Variants in COMT observed in about 807,000 individuals in gnomAD.
The protein encoded by COMT is catechol-O-methyltransferase, also known as catechol O-methyltransferase.
In COMT, 13 loss-of-function variants were observed where a neutral mutation model predicts 18.9. That is an observed-to-expected ratio of 0.69 (90% CI 0.45 to 1.09). The LOEUF (loss-of-function observed/expected upper bound fraction) is 1.09. Ranked by LOEUF, COMT falls within the 50% of genes least tolerant of loss-of-function variation. The pLI, the probability that COMT is intolerant of heterozygous loss-of-function variation, is 0.00. For synonymous variants in COMT, 150 were observed against 160.9 expected, an observed-to-expected ratio of 0.93 and a Z score of 0.51; for missense variants, 329 against 361.8, an observed-to-expected ratio of 0.91 and a Z score of 0.73.
At chr22:19,955,663 G>T (rs868612901) in intron 1 of COMT, among the ~76,000 whole-genome samples, 2 of 152,252 alleles carry the variant, frequency 1.3e-5, no homozygotes, top group African/African-American at 4.8e-5. Context: ...CACGCCTGTG[G>T]CTCTATGCTT....
chr22:19,966,129 C>G (rs1260976363), intron 5 of COMT, among the ~76,000 whole-genome samples: 1 of 152,178 alleles, frequency 6.6e-6, no homozygotes, highest in East Asian at 1.9e-4. Context: ...GTAATTATCT[C>G]AAAAGAAGCA....
intron 1 of COMT, 46 bp downstream of exon 1, chr22:19,941,943 G>T: frequency 8.2e-6 from 7 of 853,812 alleles, no homozygotes; most frequent in Non-Finnish European, 1.1e-5. Context: ...CGGATTCGGG[G>T]CGGGGGCCTT....
At chr22:19,954,534 C>T (rs1601516962) in intron 1 of COMT, among the ~76,000 whole-genome samples, 1 of 152,164 alleles carries the variant, frequency 6.6e-6, no homozygotes, top group South Asian at 2.1e-4. Context: ...CTCACTGCAA[C>T]CTCCACCTCC....
chr22:19,960,157 C>T (rs1281090141), intron 1 of COMT, among the ~76,000 whole-genome samples: 1 of 152,240 alleles, frequency 6.6e-6, no homozygotes. Context: ...CAAGTATTAA[C>T]GCAGATTTGG....
At chr22:19,953,850 G>C (rs1352180140) in intron 1 of COMT, among the ~76,000 whole-genome samples, 6 of 152,136 alleles carry the variant, frequency 3.9e-5, no homozygotes, top group Non-Finnish European at 8.8e-5. Context: ...ACATGAGCAG[G>C]TTGACCTGCA....
chr22:19,949,429 T>G (rs994043666), intron 1 of COMT, among the ~76,000 whole-genome samples: 1 of 152,186 alleles, frequency 6.6e-6, no homozygotes, highest in Non-Finnish European at 1.5e-5. Context: ...CAGGACAAAA[T>G]TACATCCCTT....
At chr22:19,965,866 GGGGGC>G (rs1456105918) in intron 5 of COMT, among the ~76,000 whole-genome samples, 31 of 152,176 alleles carry the variant, frequency 2.0e-4, no homozygotes, top group Non-Finnish European at 3.4e-4. Context: ...GTAGCTGGAG[GGGGGC>G]TCACCCCTGA....
intron 1 of COMT, among the ~76,000 whole-genome samples, chr22:19,954,226 A>AAAAAAT (rs1942011683): frequency 6.6e-6 from 1 of 151,368 alleles, no homozygotes. Context: ...GTCAAAAAAA[A>AAAAAAT]AAAAAGCCTT....
In COMT at chr22:19,967,133, TC is replaced by T. The variant is rs759530867; in HGVS notation, c.616-1400del. 26 of 1,296,444 alleles carry T rather than the reference TC, an allele frequency of 2.0e-5. No individual in the cohort carries two copies. The East Asian group carries it at 2.8e-4, about 14-fold the overall frequency. 80.3% of individuals were successfully genotyped at this position (1,296,444 alleles called of 1,614,324 possible). On this transcript the variant is annotated intron_variant, in intron 5 of 5. Coordinates refer to ENST00000361682, the MANE Select transcript of COMT (RefSeq NM_000754.4). ...GGTGACCCATGCTCCTTTCTGCCCT[TC>T]CCTCCTTCTTTCCTGTTTAACTCGT...
chr22:19,968,538 A>G lies in COMT; in HGVS notation c.618A>G (p.Glu206=). 6.2e-7 allele frequency: 1 copy of G among 1,608,916 alleles called. No homozygotes were observed. The highest frequency in any genetic ancestry group is 8.5e-7 in the Non-Finnish European group (1 of 1,176,950). ...CCCACCCCCCGGTCTGTTTGCAGGA[A>G]TGTGGCCTGCTGCGGAAGGGGACAG... The part of the protein sequence containing the change: ...RYLPDTLLLE[E]CGLLRKGTVL... The change falls in exon 6 of 6, where the codon GAA becomes GAG. Residue 206 remains glutamate (E), a splice_region_variant and synonymous_variant. Transcript: ENST00000361682.
Position 19,964,190 on chromosome 22 carries a change from C to A in COMT, c.506C>A (p.Ser169Tyr). Reference sequence around the variant, plus strand: ...CAGGTCACCCTTGTGGTTGGAGCGTCCCAGGACATCATCCCCCAGCTGAAG... The same window carrying A: ...CAGGTCACCCTTGTGGTTGGAGCGTACCAGGACATCATCCCCCAGCTGAAG... ...KDKVTLVVGASQDIIPQLKKK... is the reference protein window; with the variant it reads ...KDKVTLVVGAYQDIIPQLKKK... The change falls in exon 5 of 6, where the codon TCC becomes TAC. Residue 169 changes from serine (S) to tyrosine (Y), a missense_variant. Transcript: ENST00000361682. 1 of 1,614,146 alleles carries A rather than the reference C, an allele frequency of 6.2e-7. No individual in the cohort carries two copies. Among genetic ancestry groups the A allele is most frequent in the Non-Finnish European group, 8.5e-7 (1 of 1,180,038 alleles).
intron 1 of COMT, among the ~76,000 whole-genome samples, chr22:19,943,235 T>G (rs2146123811): frequency 6.6e-6 from 1 of 152,310 alleles, no homozygotes; most frequent in Non-Finnish European, 1.5e-5. Flanking sequence ...CTCTCAACAG[T>G]CCCCGTCCAT....
At position 19,953,155 on chromosome 22, in the gene COMT, C is replaced by A. The variant is rs547704901; in HGVS notation, c.-91-8044C>A. On this transcript the variant is annotated intron_variant, in intron 1 of 5. Coordinates refer to ENST00000361682, the MANE Select transcript of COMT (RefSeq NM_000754.4). ...TGCTGCCACGGTGGGCCTCAGGACT[C>A]ATGGCCTGGGCGCTGGGGGTGGGGC... 8.7e-4 allele frequency among the ~76,000 whole-genome samples: 133 copies of A among 152,162 alleles called. 1 individual carries two copies. Among genetic ancestry groups the A allele is most frequent in the African/African-American group, 3.1e-3 (130 of 41,516 alleles).
chr22:19,958,850 C>T (rs927902681), intron 1 of COMT, among the ~76,000 whole-genome samples: 1 of 151,982 alleles, frequency 6.6e-6, no homozygotes. Flanking sequence ...TGCGACCGCG[C>T]CACTGCACTC....
chr22:19,945,396 T>A (rs1238363455), intron 1 of COMT, among the ~76,000 whole-genome samples: 1 of 152,242 alleles, frequency 6.6e-6, no homozygotes, highest in Admixed American at 6.5e-5. Flanking sequence ...GCTGATTCTA[T>A]GTGCATCATC....
chr22:19,942,899 G>T (rs535400135), intron 1 of COMT, among the ~76,000 whole-genome samples: 7 of 152,318 alleles, frequency 4.6e-5, no homozygotes, highest in South Asian at 4.1e-4. Flanking sequence ...ATCTGGGTTT[G>T]CCACTGGGGC....
chr22:19,962,475 G>A, intron 2 of COMT, 52 bp from the exon 3 acceptor site: 1 of 1,551,544 alleles, frequency 6.4e-7, no homozygotes. Flanking sequence ...GGGCGTGTGG[G>A]TGCTGCAGGA....
intron 4 of COMT, 137 bp downstream of exon 4, chr22:19,963,896 T>C: frequency 8.0e-7 from 1 of 1,257,326 alleles, no homozygotes; most frequent in Non-Finnish European, 1.1e-6. Context: ...CCCTCAGTGC[T>C]TCCCAGCCTG....
Position 19,962,661 on chromosome 22 carries a change from C to T in COMT, c.135C>T (p.Pro45=). Residue 45 remains proline, a synonymous_variant, in exon 3 of 6, where the codon CCC becomes CCT. Coordinates refer to ENST00000361682, the MANE Select transcript of COMT (RefSeq NM_000754.4). ...GCTGGAACGAGTTCATCCTGCAGCC[C>T]ATCCACAACCTGCTCATGGGTGACA... is the stretch of plus-strand genomic sequence containing the variant. The part of the protein sequence containing the change: ...LIGWNEFILQ[P]IHNLLMGDTK... 6.2e-7 allele frequency: 1 copy of T among 1,612,342 alleles called. No homozygotes were observed. Among genetic ancestry groups the T allele is most frequent in the Non-Finnish European group, 8.5e-7 (1 of 1,179,606 alleles).
Sources: gnomAD v4.1 joint callset for allele counts (sites outside exome capture counted in the v4.1 genomes callset) on GRCh38, gnomAD v4.1.1 for gene constraint, MANE v1.5 for transcripts, NCBI Gene and HGNC (gene_info 2026-07-23, HGNC 2026-07-21) for gene names.